The following ARVCF variants were observed in gnomAD, a reference collection of about 807,000 sequenced individuals.
ARVCF encodes the protein splicing regulator ARVCF.
In ARVCF, 66 loss-of-function variants were observed where a neutral mutation model predicts 90.9. The ratio of observed to expected loss-of-function variants is 0.73; its 90% confidence interval spans 0.60 to 0.89. The LOEUF is 0.89. Among genes scored for constraint, ARVCF ranks in the 40% least tolerant of loss-of-function variants. The probability of loss-of-function intolerance (pLI) is 0.00; values close to 1 mark genes in which losing one functional copy is unlikely to be tolerated. For synonymous variants in ARVCF, 653 were observed against 603.4 expected (o/e 1.08, Z -1.21); for missense variants, 1,469 against 1,382.3 (o/e 1.06, Z -1.00).
intron 6 of ARVCF, chr22:19,979,434 G>A (rs780452399): frequency 5.6e-6 from 3 of 535,908 alleles, no homozygotes; most frequent in Non-Finnish European, 6.6e-6. Flanking sequence ...ACCACTGCAC[G>A]GTTGGGGTGG....
chr22:20,005,586 G>A (rs149624381), intron 2 of ARVCF, among the ~76,000 whole-genome samples: 1,798 of 152,152 alleles, frequency 0.012, 41 homozygotes, highest in African/African-American at 0.041. Flanking sequence ...TTGGGAGGCC[G>A]AGGCGGGTGG....
intron 10 of ARVCF, among the ~76,000 whole-genome samples, chr22:19,976,456 C>T (rs1943156571): frequency 6.6e-6 from 1 of 152,202 alleles, no homozygotes; most frequent in Non-Finnish European, 1.5e-5. Context: ...CAGACTGCTC[C>T]TTGGTGCCCC....
intron 2 of ARVCF, among the ~76,000 whole-genome samples, chr22:19,998,033 C>T (rs776468198): frequency 2.0e-5 from 3 of 152,324 alleles, no homozygotes; most frequent in East Asian, 1.9e-4. Flanking sequence ...CCCTGAGGAG[C>T]GAACTGACAG....
In ARVCF at chr22:19,970,093, G is replaced by A; in HGVS notation, c.*663C>T. 6.1e-6 allele frequency: 6 copies of A among 985,492 alleles called. No homozygotes were observed. The highest frequency in any genetic ancestry group is 7.2e-6 in the Non-Finnish European group (6 of 829,924). The allele number at this position is 985,492 out of a possible 1,614,324, so 61.0% of individuals were successfully genotyped here. ...GGTGCTGCCCAGGCTCCAGGCAGAT[G>A]CGGCAGCCCCGGCCCCAGCCAGCAT... On this transcript the variant is annotated 3_prime_UTR_variant, in exon 20 of 20. Coordinates refer to ENST00000263207, the MANE Select transcript of ARVCF (RefSeq NM_001670.3).
intron 3 of ARVCF, chr22:19,987,076 T>G: frequency 1.6e-6 from 1 of 623,258 alleles, no homozygotes; most frequent in East Asian, 3.3e-5. Context: ...CTCCAACCTG[T>G]CTGAGTTCGG....
intron 2 of ARVCF, among the ~76,000 whole-genome samples, chr22:20,003,019 CA>C (rs568613219): frequency 6.0e-5 from 9 of 149,910 alleles, no homozygotes; most frequent in South Asian, 2.1e-4. Flanking sequence ...TAAAACAGAA[CA>C]AAAAAAAACC....
chr22:19,985,475 G>GGGGC, intron 3 of ARVCF, among the ~76,000 whole-genome samples: 1 of 152,250 alleles, frequency 6.6e-6, no homozygotes, highest in Admixed American at 6.5e-5. Flanking sequence ...GCCCAGCATA[G>GGGGC]GGGCTCTGGG....
intron 10 of ARVCF, 52 bp from the exon 11 acceptor site, chr22:19,975,809 T>C (rs746673681): frequency 1.3e-6 from 2 of 1,589,766 alleles, no homozygotes; most frequent in Non-Finnish European, 8.6e-7. Context: ...GGGGAATGGG[T>C]GTATCAGGAG....
intron 3 of ARVCF, among the ~76,000 whole-genome samples, chr22:19,988,523 G>A (rs1055493159): frequency 6.6e-6 from 1 of 152,246 alleles, no homozygotes; most frequent in Non-Finnish European, 1.5e-5. Flanking sequence ...TGGCTGTCTA[G>A]AGGAGGGGCC....
chr22:19,981,104 C>T, intron 5 of ARVCF, 107 bp downstream of exon 5: 1 of 1,363,500 alleles, frequency 7.3e-7, no homozygotes, highest in Non-Finnish European at 9.8e-7. Context: ...AACTAACATG[C>T]ATGACTAACT....
rs754966289 is a variant in ARVCF at position 19,978,995 on chromosome 22, G to A, written c.1482C>T (p.Ile494=). Residue 494 remains isoleucine, a synonymous_variant, in exon 7 of 20, where the codon ATC becomes ATT. Coordinates refer to ENST00000263207, the MANE Select transcript of ARVCF (RefSeq NM_001670.3). ...CACGCTCCCATCCTGAGTGGGGCAC[G>A]ATCACCTCGTGGGTCAGCGTCTGCA... ...HGLQTLTHEV[I]VPHSGWEREP... 71 of 1,613,244 alleles carry A rather than the reference G, an allele frequency of 4.4e-5. No homozygotes were observed. Among genetic ancestry groups the A allele is most frequent in the Non-Finnish European group, 5.5e-5 (65 of 1,179,946 alleles).
At chr22:20,001,027 C>T (rs572445936) in intron 2 of ARVCF, among the ~76,000 whole-genome samples, 15 of 152,296 alleles carry the variant, frequency 9.8e-5, no homozygotes, top group East Asian at 5.8e-4. Flanking sequence ...CACAGGCACA[C>T]GCACCAGCAG....
At chr22:19,972,646 G>A in intron 16 of ARVCF, 91 bp downstream of exon 16, 5 of 1,384,208 alleles carry the variant, frequency 3.6e-6, no homozygotes, top group Non-Finnish European at 4.9e-6. Flanking sequence ...TCAGTGGGAG[G>A]CCTGACTCCT....
chr22:20,007,560 T>TGTTGGGTAGGACCTCTAA (rs1311125477), intron 2 of ARVCF, among the ~76,000 whole-genome samples: 16 of 152,196 alleles, frequency 1.1e-4, no homozygotes, highest in African/African-American at 2.9e-4. Context: ...AACGCAACAG[T>TGTTGGGTAGGACCTCTAA]GTTGAAGGTA....
chr22:19,977,760 CTCTGCCCTCACGGCACACCT>C (rs1943243460), intron 8 of ARVCF, among the ~76,000 whole-genome samples, 174 bp from the exon 9 acceptor site: 1 of 152,220 alleles, frequency 6.6e-6, no homozygotes, highest in African/African-American at 2.4e-5. Context: ...GGGAGGAAGC[CTCTGCCCTCACGGCACACCT>C]TCTGCCTGCA....
At chr22:19,984,743 C>G (rs1943676770) in intron 3 of ARVCF, among the ~76,000 whole-genome samples, 1 of 152,252 alleles carries the variant, frequency 6.6e-6, no homozygotes, top group African/African-American at 2.4e-5. Flanking sequence ...ATCCTCCCGT[C>G]CTCCACCGTG....
At chr22:20,006,122 T>C (rs1476536666) in intron 2 of ARVCF, among the ~76,000 whole-genome samples, 1 of 151,720 alleles carries the variant, frequency 6.6e-6, no homozygotes, top group Non-Finnish European at 1.5e-5. Flanking sequence ...GGGAGTTTTC[T>C]AATGGGTACA....
At chr22:19,997,293 G>A (rs1229799303) in intron 2 of ARVCF, among the ~76,000 whole-genome samples, 6 of 152,356 alleles carry the variant, frequency 3.9e-5, no homozygotes, top group Admixed American at 6.5e-5. Flanking sequence ...CAGGGCAGGC[G>A]AGTGTCCCAG....
In ARVCF at chr22:19,980,114, C is replaced by A. The variant is rs773794919; in HGVS notation, c.1025G>T (p.Arg342Leu). 8 of 1,587,024 alleles carry A rather than the reference C, an allele frequency of 5.0e-6. No homozygotes were observed. In the African/African-American group the frequency reaches 1.1e-4, roughly 21 times the overall value. Residue 342 changes from arginine to leucine, a missense_variant, in exon 6 of 20, where the codon CGC becomes CTC. Physicochemically the swap from Arg to Leu is moderately radical, Grantham distance 102 (BLOSUM62 -2). Coordinates refer to ENST00000263207, the MANE Select transcript of ARVCF (RefSeq NM_001670.3). ...SMGSLDRLVRRSPSVDSARKE... is the reference protein window; with the variant it reads ...SMGSLDRLVRLSPSVDSARKE... ...GCGGGCGCTATCCACTGAGGGCGAG[C>A]GCCGCACCAGCCGGTCCAGGCTGCC...
Sources: allele counts gnomAD v4.1 joint callset (sites outside exome capture counted in the v4.1 genomes callset), GRCh38; gene constraint gnomAD v4.1.1; transcripts MANE v1.5; gene names NCBI Gene and HGNC (gene_info 2026-07-23, HGNC 2026-07-21).